Variants in ADH1C observed in about 807,000 individuals in gnomAD.
The protein encoded by ADH1C is alcohol dehydrogenase 1C (class I), gamma polypeptide.
A neutral mutation model predicts 35.0 loss-of-function variants in ADH1C; 26 were observed. The ratio of observed to expected loss-of-function variants is 0.74; its 90% confidence interval spans 0.54 to 1.03. The LOEUF (loss-of-function observed/expected upper bound fraction) is 1.03. ADH1C is among the 50% of genes least tolerant of loss of function. ADH1C has a pLI of 0.00. For missense variants in ADH1C, 413 were observed against 465.4 expected (o/e 0.89, Z 1.04); for synonymous variants, 170 against 169.3 (o/e 1.00, Z -0.03).
chr4:99,345,918 T>C (rs555346654), intron 3 of ADH1C, among the ~76,000 whole-genome samples: 2 of 152,204 alleles, frequency 1.3e-5, no homozygotes, highest in Non-Finnish European at 2.9e-5. Context: ...GGATAAGAAT[T>C]GACTTTCAAG....
Position 99,336,780 on chromosome 4 carries a change from C to G in ADH1C, c.1104-4G>C. The G allele has an allele frequency of 6.2e-7, 1 of 1,613,652 alleles. No homozygotes were observed. Among genetic ancestry groups the G allele is most frequent in the South Asian group, 1.1e-5 (1 of 91,060 alleles). The stretch of plus-strand genomic sequence containing the variant: ...AAACGTCAGGACGGTACGGATACTG[C>G]AATAGGAAAGAAGAGACATTGTGTT... On this transcript the variant is annotated splice_polypyrimidine_tract_variant and splice_region_variant and intron_variant, in intron 8 of 8. Coordinates refer to ENST00000515683, the MANE Select transcript of ADH1C (RefSeq NM_000669.5).
At chr4:99,350,630 C>T (rs1734654327) in intron 1 of ADH1C, among the ~76,000 whole-genome samples, 1 of 152,166 alleles carries the variant, frequency 6.6e-6, no homozygotes, top group Admixed American at 6.5e-5. Context: ...TTCTCTTTAT[C>T]CACTCGTTGG....
chr4:99,352,623 A>G, intron 1 of ADH1C, 35 bp downstream of exon 1: 1 of 1,557,574 alleles, frequency 6.4e-7, no homozygotes, highest in Non-Finnish European at 8.9e-7. Flanking sequence ...TATTGAAGAG[A>G]ATATATTATC....
chr4:99,338,396 TATATATATATATATA>T (rs1560535434), intron 8 of ADH1C, among the ~76,000 whole-genome samples: 515 of 7,432 alleles, frequency 0.069, 26 homozygotes, highest in African/African-American at 0.18. Flanking sequence ...TACTGTTTTC[TATATATATATATATA>T]TATATATATA....
intron 5 of ADH1C, among the ~76,000 whole-genome samples, chr4:99,343,537 C>A (rs576181661): frequency 6.6e-6 from 1 of 152,318 alleles, no homozygotes; most frequent in South Asian, 2.1e-4. Flanking sequence ...AAGGCTACTC[C>A]AGGAGACTGA....
Position 99,336,728 on chromosome 4 carries a change from A to G in ADH1C, c.*24T>C, listed in dbSNP as rs780128692. 5.6e-5 allele frequency: 90 copies of G among 1,613,190 alleles called. No individual in the cohort carries two copies. Among genetic ancestry groups the G allele is most frequent in the Non-Finnish European group, 7.5e-5 (89 of 1,179,386 alleles). ...AGGGTAGAGGAGGCTGAAAACTGCTACAAGGGAAGGCATCTGTATTGTTTC... is the reference window on the plus strand; with the variant it reads ...AGGGTAGAGGAGGCTGAAAACTGCTGCAAGGGAAGGCATCTGTATTGTTTC... On this transcript the variant is annotated 3_prime_UTR_variant, in exon 9 of 9. Coordinates refer to ENST00000515683, the MANE Select transcript of ADH1C (RefSeq NM_000669.5).
chr4:99,341,076 T>C (rs1274340258), intron 6 of ADH1C, among the ~76,000 whole-genome samples: 1 of 152,182 alleles, frequency 6.6e-6, no homozygotes, highest in Non-Finnish European at 1.5e-5. Flanking sequence ...ATTACATAGG[T>C]ATTTTGAACC....
At chr4:99,340,847 C>A (rs943966047) in intron 6 of ADH1C, 137 bp from the exon 7 acceptor site, 14 of 1,346,894 alleles carry the variant, frequency 1.0e-5, no homozygotes, top group Non-Finnish European at 1.4e-5. Context: ...CTCCTTCATT[C>A]CCCCTTTCTT....
rs1450618075 is a variant in ADH1C at position 99,339,857 on chromosome 4, T to G, written c.965-142A>C. On this transcript the variant is annotated intron_variant, in intron 7 of 8. Transcript: ENST00000515683. Reference sequence around the variant, plus strand: ...CTGAGGATAATAAGAGATAGAGTACTTCAATATGCTTTTACAGTGCTTTCA... The same window carrying G: ...CTGAGGATAATAAGAGATAGAGTACGTCAATATGCTTTTACAGTGCTTTCA... The G allele has an allele frequency of 4.0e-6, 3 of 758,738 alleles. No homozygotes were observed. The East Asian group carries it at 8.4e-5, about 21-fold the overall frequency. The allele number at this position is 758,738 out of a possible 1,614,324, so 47.0% of individuals were successfully genotyped here.
chr4:99,345,896 CA>C (rs1483382945), intron 3 of ADH1C, among the ~76,000 whole-genome samples: 1 of 152,160 alleles, frequency 6.6e-6, no homozygotes, highest in Non-Finnish European at 1.5e-5. Context: ...ACAAGTTAGA[CA>C]CTTTCTTTTA....
rs879545685 is a variant in ADH1C, at chr4:99,339,519, C to G, written c.1103+58G>C. 3,227 of 1,062,004 alleles carry G rather than the reference C, an allele frequency of 3.0e-3. 3 individuals are homozygous for G. The highest frequency in any genetic ancestry group is 3.7e-3 in the Non-Finnish European group (2,893 of 779,552). The allele number at this position is 1,062,004 out of a possible 1,614,324, so 65.8% of individuals were successfully genotyped here. The stretch of plus-strand genomic sequence containing the variant: ...CATTCTCTGCTAGACAACGCCCCCC[C>G]CCCCCCCGCCGCTACTGTAGAATAC... On this transcript the variant is annotated intron_variant, in intron 8 of 8. Transcript: ENST00000515683.
rs752703547 is a variant in ADH1C at position 99,340,631 on chromosome 4, G to A, written c.908C>T (p.Ser303Leu). 6.2e-7 allele frequency: 1 copy of A among 1,613,952 alleles called. No homozygotes were observed. Among genetic ancestry groups the A allele is most frequent in the Non-Finnish European group, 8.5e-7 (1 of 1,180,016 alleles). The part of the protein sequence containing the change: ...VGVPPDSQNL[S>L]INPMLLLTGR... Reference sequence around the variant, plus strand: ...AGTCAGTAGCAGCATAGGGTTTATTGAGAGGTTCTGGGAATCAGGAGGTAC... The same window carrying A: ...AGTCAGTAGCAGCATAGGGTTTATTAAGAGGTTCTGGGAATCAGGAGGTAC... The change falls in exon 7 of 9, where the codon TCA (serine) becomes TTA (leucine). Residue 303 changes from serine (S) to leucine (L), a missense_variant. Coordinates refer to ENST00000515683, the MANE Select transcript of ADH1C (RefSeq NM_000669.5).
chr4:99,339,589 C>T lies in ADH1C; in HGVS notation c.1091G>A (p.Arg364His), dbSNP rs56247447. Reference sequence around the variant, plus strand: ...ACTTAAAATCTACCTCTTTCCAGAGCGAAGCAGGTCAAATCCTTCATTTAT... The same window carrying T: ...ACTTAAAATCTACCTCTTTCCAGAGTGAAGCAGGTCAAATCCTTCATTTAT... ...EKINEGFDLL[R>H]SGKSIRTVLT... Residue 364 changes from arginine to histidine, a missense_variant, in exon 8 of 9, where the codon CGC becomes CAC. Transcript: ENST00000515683. The T allele has an allele frequency of 3.3e-4, 520 of 1,577,238 alleles. 4 individuals carry two copies. The East Asian group carries it at 6.0e-3, about 18-fold the overall frequency.
intron 3 of ADH1C, 85 bp downstream of exon 3, chr4:99,346,921 C>T: frequency 6.5e-7 from 1 of 1,550,330 alleles, no homozygotes. Flanking sequence ...GTCCTTTCGT[C>T]TTTCATTGCC....
At chr4:99,348,686 C>T (rs1734601589) in intron 1 of ADH1C, among the ~76,000 whole-genome samples, 1 of 150,892 alleles carries the variant, frequency 6.6e-6, no homozygotes, top group African/African-American at 2.4e-5. Flanking sequence ...GTTCTAGATC[C>T]CTGAGGAATC....
At chr4:99,348,260 A>G (rs1025526598) in intron 1 of ADH1C, among the ~76,000 whole-genome samples, 6 of 141,266 alleles carry the variant, frequency 4.2e-5, no homozygotes, top group South Asian at 2.6e-4. Context: ...ATATCTCCCA[A>G]TGCTATCCCT....
intron 3 of ADH1C, among the ~76,000 whole-genome samples, chr4:99,346,796 G>A (rs769646771): frequency 2.6e-5 from 4 of 152,158 alleles, no homozygotes; most frequent in Non-Finnish European, 5.9e-5. Context: ...AGTACATAAT[G>A]GTTGAAGGGT....
chr4:99,347,905 G>C (rs1003521930), intron 1 of ADH1C, 59 bp from the exon 2 acceptor site: 31 of 1,593,298 alleles, frequency 1.9e-5, no homozygotes, highest in Non-Finnish European at 2.4e-5. Flanking sequence ...GTCAGAAATT[G>C]TGTCTTTTCA....
At position 99,339,691 on chromosome 4, in the gene ADH1C, G is replaced by A; in HGVS notation, c.989C>T (p.Pro330Leu). 2 of 1,611,436 alleles carry A rather than the reference G, an allele frequency of 1.2e-6. No individual in the cohort carries two copies. The highest frequency in any genetic ancestry group is 1.7e-6 in the Non-Finnish European group (2 of 1,179,000). The change falls in exon 8 of 9, where the codon CCC becomes CTC. Residue 330 changes from proline to leucine, a missense_variant. Pro to Leu is a moderately conservative substitution (Grantham distance 98). Transcript: ENST00000515683. Reference sequence around the variant, plus strand: ...AGCCATAAAGTCAGCCACAAGTTTGGGGACAGATTCTTTACTCTTAAAGCC... The same window carrying A: ...AGCCATAAAGTCAGCCACAAGTTTGAGGACAGATTCTTTACTCTTAAAGCC... The part of the protein sequence containing the change: ...FGGFKSKESV[P>L]KLVADFMAKK...
Sources: gnomAD v4.1 joint callset for allele counts (sites outside exome capture counted in the v4.1 genomes callset) on GRCh38, gnomAD v4.1.1 for gene constraint, MANE v1.5 for transcripts, NCBI Gene and HGNC (gene_info 2026-07-23, HGNC 2026-07-21) for gene names.